FAAH2: variants seen among roughly 807,000 people sequenced by gnomAD.
FAAH2 encodes fatty acid amide hydrolase 2.
A neutral mutation model predicts 36.9 loss-of-function variants in FAAH2; 60 were observed. That is an observed-to-expected ratio of 1.63 (90% CI 1.32 to 2.02). The LOEUF (loss-of-function observed/expected upper bound fraction) is 2.02. Ranked by LOEUF, FAAH2 falls within the 30% of genes most tolerant of loss-of-function variation. The pLI is 0.00. For synonymous variants in FAAH2, 214 were observed against 143.8 expected (o/e 1.49, Z -3.49); for missense variants, 689 against 397.5 (o/e 1.73, Z -6.23).
intron 6 of FAAH2, among the ~76,000 whole-genome samples, chrX:57,379,568 C>T (rs5914999): frequency 0.36 from 38,779 of 107,483 alleles, 6,195 homozygotes; most frequent in Middle Eastern, 0.61. Context: ...CACACACACA[C>T]GTGTGCGCAC....
chrX:57,470,774 G>A (rs369581507), intron 10 of FAAH2, among the ~76,000 whole-genome samples: 13 of 111,390 alleles, frequency 1.2e-4, no homozygotes, highest in African/African-American at 3.9e-4. Context: ...TAATACCAAA[G>A]CCTGGCAGAG....
chrX:57,163,145 TG>T, the FAAH2 span, among the ~76,000 whole-genome samples: 128 of 112,059 alleles, frequency 1.1e-3, no homozygotes, highest in African/African-American at 3.9e-3. Context: ...GTGCCCCTGC[TG>T]GGGGGTGACT....
chrX:57,161,816 T>C, the FAAH2 span, among the ~76,000 whole-genome samples: 13 of 111,904 alleles, frequency 1.2e-4, no homozygotes, highest in Non-Finnish European at 2.3e-4. Context: ...CTTTATCCAA[T>C]TTGCCAGTCT....
chrX:57,162,630 C>A, the FAAH2 span, among the ~76,000 whole-genome samples: 14 of 111,894 alleles, frequency 1.3e-4, no homozygotes, highest in Non-Finnish European at 2.6e-4. Flanking sequence ...ATTGCTGATA[C>A]CCTTTCTTCC....
chrX:57,413,325 A>C (rs1016718585), intron 7 of FAAH2, among the ~76,000 whole-genome samples: 5 of 112,169 alleles, frequency 4.5e-5, no homozygotes, highest in African/African-American at 1.6e-4. Flanking sequence ...GGTATTGCCT[A>C]GGTTTTCTTC....
chrX:57,222,735 T>C, the FAAH2 span, among the ~76,000 whole-genome samples: 9 of 111,948 alleles, frequency 8.0e-5, no homozygotes, highest in African/African-American at 2.9e-4. Flanking sequence ...GCCATGCTCT[T>C]ACCTGAAGTT....
At chrX:57,390,753 C>G in intron 7 of FAAH2, among the ~76,000 whole-genome samples, 1 of 111,583 alleles carries the variant, frequency 9.0e-6, no homozygotes, top group Admixed American at 9.6e-5. Flanking sequence ...TATTCCATGA[C>G]TGCTATTGTA....
intron 2 of FAAH2, among the ~76,000 whole-genome samples, chrX:57,303,285 G>A (rs113028195): frequency 2.7e-5 from 3 of 111,481 alleles, no homozygotes; most frequent in Non-Finnish European, 5.6e-5. Flanking sequence ...TGAAGAAATA[G>A]CTGCTGCAGT....
At chrX:57,365,899 A>G in intron 5 of FAAH2, among the ~76,000 whole-genome samples, 1 of 111,856 alleles carries the variant, frequency 8.9e-6, no homozygotes, top group Non-Finnish European at 1.9e-5. Flanking sequence ...TCATTTTCAG[A>G]TCAGTTTGTT....
intron 8 of FAAH2, among the ~76,000 whole-genome samples, chrX:57,438,651 G>A (rs1187782582): frequency 9.2e-6 from 1 of 109,150 alleles, no homozygotes. Context: ...TGCACAATGT[G>A]CAGGTTTGTT....
chrX:57,208,534 G>A, the FAAH2 span, among the ~76,000 whole-genome samples: 464 of 111,627 alleles, frequency 4.2e-3, 1 homozygote, highest in African/African-American at 0.014. Context: ...CCCCCACGTT[G>A]GGTGCCACTT....
chrX:57,454,845 G>A lies in FAAH2; in HGVS notation c.1423+6127G>A, dbSNP rs761774371. The stretch of plus-strand genomic sequence containing the variant: ...TGTATGACTCATGGTGTTTTCAAAA[G>A]AAAAGGAGAGAGAGTAACTTGTAAA... On this transcript the variant is annotated intron_variant, in intron 10 of 10. Coordinates refer to ENST00000374900, the MANE Select transcript of FAAH2 (RefSeq NM_174912.4). Among the ~76,000 whole-genome samples, 7 of 111,961 alleles carry A rather than the reference G, an allele frequency of 6.3e-5. No homozygotes were observed. In the East Asian group the frequency reaches 1.4e-3, roughly 22 times the overall value.
At position 57,301,081 on chromosome X, in the gene FAAH2, A is replaced by AC. The variant is rs2052346527; in HGVS notation, c.275+8501_275+8502insC. Among the ~76,000 whole-genome samples the AC allele has an allele frequency of 2.7e-5, 3 of 109,141 alleles. No individual in the cohort carries two copies. The Admixed American group carries it at 2.9e-4, about 11-fold the overall frequency. 94.8% of individuals were successfully genotyped at this position (109,141 alleles called of 115,157 possible). On this transcript the variant is annotated intron_variant, in intron 2 of 10. Transcript: ENST00000374900. ...ATTCCTCAGGGATCTAGAACTAGAA[A>AC]TACCATTTGATCCAGCCATCCCATT...
intron 5 of FAAH2, among the ~76,000 whole-genome samples, chrX:57,345,828 T>C (rs2053807158): frequency 8.9e-6 from 1 of 111,895 alleles, no homozygotes; most frequent in Non-Finnish European, 1.9e-5. Context: ...TTATTTTTTA[T>C]TTTCATTAAC....
chrX:57,318,940 T>G (rs1303827843), intron 3 of FAAH2, among the ~76,000 whole-genome samples: 1 of 111,871 alleles, frequency 8.9e-6, no homozygotes, highest in Non-Finnish European at 1.9e-5. Context: ...TCTCAATAGA[T>G]GCAGAAAAGG....
intron 8 of FAAH2, among the ~76,000 whole-genome samples, chrX:57,437,501 C>G (rs981211473): frequency 4.6e-5 from 5 of 109,345 alleles, no homozygotes; most frequent in Non-Finnish European, 9.5e-5. Context: ...CAAAAAGAAT[C>G]CCCTAGAATT....
chrX:57,277,900 A>T, the FAAH2 span, among the ~76,000 whole-genome samples: 7 of 111,697 alleles, frequency 6.3e-5, no homozygotes, highest in African/African-American at 2.0e-4. Context: ...AGAACTACAA[A>T]CCACTGCTCA....
chrX:57,395,377 C>A lies in FAAH2; in HGVS notation c.996+14348C>A, dbSNP rs746754389. The A allele has an allele frequency of 2.1e-5, 15 of 711,647 alleles. No individual in the cohort carries two copies. In the African/African-American group the frequency reaches 3.0e-4, roughly 14 times the overall value. The allele number at this position is 711,647 out of a possible 1,213,427, so 58.6% of individuals were successfully genotyped here. ...GTCTCGCCCTTATTTGTGCGGAGAT[C>A]TCCTTCCTGTTCAGGATTTCTGCTG... On this transcript the variant is annotated intron_variant, in intron 7 of 10. Coordinates refer to ENST00000374900, the MANE Select transcript of FAAH2 (RefSeq NM_174912.4).
At chrX:57,482,989 C>T (rs1324793666) in intron 10 of FAAH2, among the ~76,000 whole-genome samples, 7 of 110,136 alleles carry the variant, frequency 6.4e-5, no homozygotes, top group Admixed American at 2.0e-4. Flanking sequence ...TATATACCTT[C>T]ATAATGTTTA....
Sources: gnomAD v4.1 joint callset for allele counts (sites outside exome capture counted in the v4.1 genomes callset) on GRCh38, gnomAD v4.1.1 for gene constraint, MANE v1.5 for transcripts, NCBI Gene and HGNC (gene_info 2026-07-23, HGNC 2026-07-21) for gene names.